Variants in RBFOX1 observed in about 807,000 individuals in gnomAD.
RBFOX1 encodes RNA binding protein fox-1 homolog 1.
RBFOX1 carries 8 observed loss-of-function variants against 57.7 expected under a neutral mutation model. The observed-to-expected ratio is 0.14, with a 90% confidence interval of 0.08 to 0.25. The LOEUF (loss-of-function observed/expected upper bound fraction) is 0.25, where lower values mean the gene tolerates loss of function less well. Ranked by LOEUF, RBFOX1 falls within the 10% of genes least tolerant of loss-of-function variation. RBFOX1 has a pLI of 1.00. For synonymous variants in RBFOX1, 326 were observed against 222.4 expected, an observed-to-expected ratio of 1.47 and a Z score of -4.15; for missense variants, 611 against 548.5, an observed-to-expected ratio of 1.11 and a Z score of -1.14.
At chr16:6,589,106 A>AG (rs2097673426) in intron 2 of RBFOX1, among the ~76,000 whole-genome samples, 2 of 151,504 alleles carry the variant, frequency 1.3e-5, no homozygotes, top group South Asian at 2.1e-4. Flanking sequence ...TATATTACAA[A>AG]AAAACCCCTA....
intron 4 of RBFOX1, among the ~76,000 whole-genome samples, chr16:7,320,607 G>T (rs899506353): frequency 2.0e-5 from 3 of 152,150 alleles, no homozygotes; most frequent in Non-Finnish European, 2.9e-5. Context: ...AATCAAACTT[G>T]CTTAAGCAAA....
chr16:7,246,799 C>G (rs552524721), intron 4 of RBFOX1, among the ~76,000 whole-genome samples: 1 of 152,106 alleles, frequency 6.6e-6, no homozygotes, highest in South Asian at 2.1e-4. Flanking sequence ...ATATCAGGTT[C>G]AACGACTGGC....
chr16:7,022,184 C>T (rs928048479), intron 3 of RBFOX1, among the ~76,000 whole-genome samples: 3 of 150,270 alleles, frequency 2.0e-5, no homozygotes, highest in South Asian at 4.3e-4. Flanking sequence ...CCACCTCAGC[C>T]TCCTGAGTAG....
At chr16:6,919,934 CT>C (rs539280971) in intron 3 of RBFOX1, among the ~76,000 whole-genome samples, 13 of 152,172 alleles carry the variant, frequency 8.5e-5, no homozygotes, top group Admixed American at 8.5e-4. Flanking sequence ...CCTTTACCCC[CT>C]CCCACTTTTC....
intron 1 of RBFOX1, among the ~76,000 whole-genome samples, chr16:5,300,476 C>T (rs2103295): frequency 0.55 from 84,059 of 151,858 alleles, 26,335 homozygotes; most frequent in South Asian, 0.72. Flanking sequence ...ATTCTTCTAA[C>T]GCACCACCAC....
At chr16:6,884,551 A>G (rs1464202584) in intron 3 of RBFOX1, among the ~76,000 whole-genome samples, 2 of 152,184 alleles carry the variant, frequency 1.3e-5, no homozygotes, top group African/African-American at 4.8e-5. Flanking sequence ...TTACATTATC[A>G]TAAGACCTCA....
chr16:6,984,129 C>G (rs1278439539), intron 3 of RBFOX1, among the ~76,000 whole-genome samples: 1 of 152,146 alleles, frequency 6.6e-6, no homozygotes, highest in Non-Finnish European at 1.5e-5. Flanking sequence ...CGCTTGTAAT[C>G]TCAGCAACTT....
chr16:6,935,840 G>C (rs1014146226), intron 3 of RBFOX1, among the ~76,000 whole-genome samples: 5 of 152,140 alleles, frequency 3.3e-5, no homozygotes, highest in Non-Finnish European at 5.9e-5. Context: ...TCCGGGGCCA[G>C]GATACCTGTG....
chr16:7,392,010 C>T (rs757371049), intron 4 of RBFOX1, among the ~76,000 whole-genome samples: 5 of 152,234 alleles, frequency 3.3e-5, no homozygotes, highest in African/African-American at 1.2e-4. Flanking sequence ...TCCTTCCCCT[C>T]CTGCCTTTTG....
rs541368378 is a variant in RBFOX1, at chr16:5,996,725, C to T, written c.351+129390C>T. 6.6e-5 allele frequency among the ~76,000 whole-genome samples: 10 copies of T among 152,024 alleles called. No homozygotes were observed. The South Asian group carries it at 1.2e-3, about 19-fold the overall frequency. On this transcript the variant is annotated intron_variant, in intron 4 of 19. Coordinates refer to the RBFOX1 transcript ENST00000641259. ...AGAGAGAACTGTGGGATTTAACTGACGGTCACAGACAGCTCACAGCTCCCC... is the reference window on the plus strand; with the variant it reads ...AGAGAGAACTGTGGGATTTAACTGATGGTCACAGACAGCTCACAGCTCCCC...
chr16:5,667,854 T>G (rs960839589), intron 3 of RBFOX1, among the ~76,000 whole-genome samples: 1 of 152,144 alleles, frequency 6.6e-6, no homozygotes, highest in African/African-American at 2.4e-5. Context: ...GACTTTATAG[T>G]GAAGTGGGGA....
At chr16:7,605,111 A>T (rs56729898) in intron 9 of RBFOX1, among the ~76,000 whole-genome samples, 10,172 of 152,128 alleles carry the variant, frequency 0.067, 421 homozygotes, top group South Asian at 0.19. Flanking sequence ...TTTTTCTTAG[A>T]CTCCAAGTTG....
intron 2 of RBFOX1, among the ~76,000 whole-genome samples, chr16:5,570,006 T>C (rs1012859421): frequency 1.3e-5 from 2 of 152,218 alleles, no homozygotes; most frequent in Non-Finnish European, 2.9e-5. Context: ...GAGTGGAGTT[T>C]AGACTTTATC....
intron 1 of RBFOX1, among the ~76,000 whole-genome samples, chr16:6,176,581 C>T (rs1352613106): frequency 1.3e-5 from 2 of 151,996 alleles, no homozygotes; most frequent in Non-Finnish European, 2.9e-5. Context: ...ATGTTTGCAT[C>T]CCAAAAGACT....
chr16:7,204,615 C>T (rs1276604527), intron 4 of RBFOX1, among the ~76,000 whole-genome samples: 4 of 152,176 alleles, frequency 2.6e-5, no homozygotes, highest in Non-Finnish European at 4.4e-5. Context: ...CATTGGACTT[C>T]AGCCTGGGCA....
chr16:7,097,901 A>G (rs1042719345), intron 4 of RBFOX1, among the ~76,000 whole-genome samples: 2 of 152,244 alleles, frequency 1.3e-5, no homozygotes, highest in African/African-American at 2.4e-5. Context: ...GCCTCACACA[A>G]TGGCCTGCTT....
intron 1 of RBFOX1, among the ~76,000 whole-genome samples, chr16:6,213,184 AT>A (rs1307848340): frequency 6.6e-6 from 1 of 151,840 alleles, no homozygotes; most frequent in Non-Finnish European, 1.5e-5. Flanking sequence ...GAAACTATAT[AT>A]TTTTTTCTTT....
intron 3 of RBFOX1, among the ~76,000 whole-genome samples, chr16:6,824,636 C>T (rs147356247): frequency 3.9e-5 from 6 of 152,198 alleles, no homozygotes; most frequent in African/African-American, 1.4e-4. Flanking sequence ...AGAGAAAATC[C>T]ATTCCTTATC....
chr16:6,982,993 T>TAA (rs370173635), intron 3 of RBFOX1, among the ~76,000 whole-genome samples: 32,598 of 78,106 alleles, frequency 0.42, 8,193 homozygotes, highest in Non-Finnish European at 0.55. Flanking sequence ...AGACTCTGTC[T>TAA]AAAAAAAAAA....
Sources: gnomAD v4.1 joint callset for allele counts (sites outside exome capture counted in the v4.1 genomes callset) on GRCh38, gnomAD v4.1.1 for gene constraint, MANE v1.5 for transcripts, NCBI Gene and HGNC (gene_info 2026-07-23, HGNC 2026-07-21) for gene names.